ARHGAP6: variants seen among roughly 807,000 people sequenced by gnomAD.
The protein encoded by ARHGAP6 is rho GTPase-activating protein 6.
ARHGAP6 carries 16 observed loss-of-function variants against 55.7 expected under a neutral mutation model. The observed-to-expected ratio is 0.29, with a 90% CI of 0.19 to 0.44. The LOEUF (loss-of-function observed/expected upper bound fraction) is 0.44, where lower values mean the gene tolerates loss of function less well. ARHGAP6 is among the 20% of genes least tolerant of loss of function. The probability of loss-of-function intolerance (pLI) is 1.00; values close to 1 mark genes in which losing one functional copy is unlikely to be tolerated. For synonymous variants in ARHGAP6, 382 were observed against 360.9 expected (o/e 1.06, Z -0.66); for missense variants, 698 against 808.9 (o/e 0.86, Z 1.66).
chrX:11,292,567 A>C (rs1214821051), intron 1 of ARHGAP6, among the ~76,000 whole-genome samples: 1 of 111,792 alleles, frequency 8.9e-6, no homozygotes, highest in Admixed American at 9.5e-5. Flanking sequence ...TTGGGCCAGA[A>C]GGATATGGGC....
intron 1 of ARHGAP6, chrX:11,427,545 C>A: frequency 1.1e-6 from 1 of 933,779 alleles, no homozygotes; most frequent in African/African-American, 2.1e-5. Context: ...TCAGGACACT[C>A]ACCGCGTAGT....
rs752504862 is a variant in ARHGAP6 at position 11,175,991 on chromosome X, T to G, written c.1629+2109A>C. 1.9e-3 allele frequency among the ~76,000 whole-genome samples: 205 copies of G among 106,391 alleles called. 1 individual carries two copies. The highest frequency in any genetic ancestry group is 2.5e-3 in the Admixed American group (24 of 9,630). The allele number at this position is 106,391 out of a possible 115,157, so 92.4% of individuals were successfully genotyped here. On this transcript the variant is annotated intron_variant, in intron 8 of 12. Coordinates refer to ENST00000337414, the MANE Select transcript of ARHGAP6 (RefSeq NM_013427.3). Reference sequence around the variant, plus strand: ...AACCAGTATAACGACATTGTCCTTCTTCAAGATCTTTTTCTATCATCCACT... The same window carrying G: ...AACCAGTATAACGACATTGTCCTTCGTCAAGATCTTTTTCTATCATCCACT...
intron 1 of ARHGAP6, among the ~76,000 whole-genome samples, chrX:11,354,303 C>T (rs937020341): frequency 1.1e-4 from 6 of 55,210 alleles, no homozygotes; most frequent in Admixed American, 4.5e-4. Context: ...CTTTCTCTCT[C>T]TCTCTCTCTC....
At position 11,506,840 on chromosome X, in the gene ARHGAP6, G is replaced by A. The variant is rs192298450; in HGVS notation, c.588+157401C>T. ...ACTGTCTTCCACAATGGTTGAACTA[G>A]TTTACAGTCCCACCGACAGTGTGAA... On this transcript the variant is annotated intron_variant, in intron 1 of 12. Coordinates refer to ENST00000337414, the MANE Select transcript of ARHGAP6 (RefSeq NM_013427.3). 5.5e-3 allele frequency among the ~76,000 whole-genome samples: 618 copies of A among 111,773 alleles called. 7 individuals are homozygous for A. Among genetic ancestry groups the A allele is most frequent in the African/African-American group, 0.019 (596 of 30,709 alleles).
At chrX:11,521,952 C>G (rs1300674524) in intron 1 of ARHGAP6, among the ~76,000 whole-genome samples, 2 of 111,454 alleles carry the variant, frequency 1.8e-5, no homozygotes, top group East Asian at 5.6e-4. Flanking sequence ...TGATTTGGCT[C>G]TCTGTTTCTC....
intron 1 of ARHGAP6, among the ~76,000 whole-genome samples, chrX:11,307,708 T>C (rs986590456): frequency 8.9e-6 from 1 of 112,462 alleles, no homozygotes; most frequent in African/African-American, 3.2e-5. Flanking sequence ...ATTGCTAAAA[T>C]GTGCAGTTCT....
At chrX:11,508,007 G>C (rs941093159) in intron 1 of ARHGAP6, among the ~76,000 whole-genome samples, 2 of 111,793 alleles carry the variant, frequency 1.8e-5, no homozygotes, top group Admixed American at 9.5e-5. Context: ...TCTCAAGAGG[G>C]AGACAATTAT....
chrX:11,385,504 G>A lies in ARHGAP6; in HGVS notation c.589-130797C>T, dbSNP rs371445806. Among the ~76,000 whole-genome samples, 4 of 112,122 alleles carry A rather than the reference G, an allele frequency of 3.6e-5. No individual in the cohort carries two copies. In the East Asian group the frequency reaches 8.4e-4, roughly 23 times the overall value. On this transcript the variant is annotated intron_variant, in intron 1 of 12. Coordinates refer to ENST00000337414, the MANE Select transcript of ARHGAP6 (RefSeq NM_013427.3). ...TTTGGTATTAATACAATTGAGTTGAGTGTAAAAATAACTTCTGGAATCAAC... is the reference window on the plus strand; with the variant it reads ...TTTGGTATTAATACAATTGAGTTGAATGTAAAAATAACTTCTGGAATCAAC...
At chrX:11,499,860 C>G (rs942328989) in intron 1 of ARHGAP6, among the ~76,000 whole-genome samples, 1 of 111,773 alleles carries the variant, frequency 8.9e-6, no homozygotes, top group Non-Finnish European at 1.9e-5. Context: ...TCAGATTTGC[C>G]AAGTGTGACT....
At chrX:11,481,624 A>G (rs2050457630) in intron 1 of ARHGAP6, among the ~76,000 whole-genome samples, 1 of 112,692 alleles carries the variant, frequency 8.9e-6, no homozygotes. Flanking sequence ...AAACTACAAG[A>G]CACCCAGTTA....
At chrX:11,276,252 C>T (rs536042925) in intron 1 of ARHGAP6, among the ~76,000 whole-genome samples, 1 of 111,505 alleles carries the variant, frequency 9.0e-6, no homozygotes, top group African/African-American at 3.3e-5. Context: ...TTTCTTGACT[C>T]TTATTTAAAC....
chrX:11,591,601 A>C (rs1180348124), intron 1 of ARHGAP6, among the ~76,000 whole-genome samples: 1 of 111,463 alleles, frequency 9.0e-6, no homozygotes, highest in Admixed American at 9.5e-5. Flanking sequence ...CATACAAAAG[A>C]TCACATATTT....
intron 1 of ARHGAP6, among the ~76,000 whole-genome samples, chrX:11,548,466 G>T (rs751748909): frequency 5.4e-5 from 6 of 110,561 alleles, no homozygotes; most frequent in Admixed American, 2.9e-4. Flanking sequence ...ACTTCCTTTG[G>T]CTCAAAATTT....
At chrX:11,496,062 C>T (rs1457264951) in intron 1 of ARHGAP6, among the ~76,000 whole-genome samples, 5 of 112,111 alleles carry the variant, frequency 4.5e-5, no homozygotes, top group Non-Finnish European at 9.4e-5. Context: ...TCAGATAAGA[C>T]CCCAGCTCAG....
intron 3 of ARHGAP6, among the ~76,000 whole-genome samples, chrX:11,192,703 A>G (rs1173876482): frequency 4.5e-5 from 5 of 111,896 alleles, no homozygotes; most frequent in African/African-American, 1.6e-4. Context: ...TTCACCAAAA[A>G]GAACAGTGCC....
chrX:11,403,909 C>G (rs1025239619), intron 1 of ARHGAP6, among the ~76,000 whole-genome samples: 2 of 112,382 alleles, frequency 1.8e-5, no homozygotes, highest in African/African-American at 6.5e-5. Flanking sequence ...AAAACAGGCT[C>G]TAACATTGAA....
chrX:11,140,798 A>G (rs973812110), intron 12 of ARHGAP6, among the ~76,000 whole-genome samples: 5 of 112,397 alleles, frequency 4.4e-5, no homozygotes, highest in African/African-American at 1.6e-4. Flanking sequence ...CTGAAGGGAA[A>G]GAAATAACAG....
chrX:11,390,246 G>A (rs1224962520), intron 1 of ARHGAP6, among the ~76,000 whole-genome samples: 1 of 111,299 alleles, frequency 9.0e-6, no homozygotes, highest in Non-Finnish European at 1.9e-5. Flanking sequence ...TAGATGTGTG[G>A]TATTATTTCT....
intron 9 of ARHGAP6, among the ~76,000 whole-genome samples, chrX:11,161,386 C>G (rs761706767): frequency 1.4e-3 from 154 of 109,170 alleles, no homozygotes; most frequent in African/African-American, 4.9e-3. Flanking sequence ...AGACCACTGA[C>G]TTAAGCATAC....
Sources: allele counts gnomAD v4.1 joint callset (sites outside exome capture counted in the v4.1 genomes callset), GRCh38; gene constraint gnomAD v4.1.1; transcripts MANE v1.5; gene names NCBI Gene and HGNC (gene_info 2026-07-23, HGNC 2026-07-21).